ASTN2: variants seen among roughly 807,000 people sequenced by gnomAD.
ASTN2 encodes astrotactin 2, also known as astrotactin-2.
ASTN2 carries 54 observed loss-of-function variants against 139.8 expected under a neutral mutation model. The ratio of observed to expected loss-of-function variants is 0.39; its 90% CI spans 0.31 to 0.48. The LOEUF (loss-of-function observed/expected upper bound fraction) is 0.48, where lower values mean the gene tolerates loss of function less well. Among genes scored for constraint, ASTN2 ranks in the 20% least tolerant of loss-of-function variants. The pLI, the probability that ASTN2 is intolerant of heterozygous loss-of-function variation, is 0.95. For missense variants in ASTN2, 1,565 were observed against 1,725.1 expected, an observed-to-expected ratio of 0.91 and a Z score of 1.64; for synonymous variants, 756 against 719.5, an observed-to-expected ratio of 1.05 and a Z score of -0.81.
intron 20 of ASTN2, among the ~76,000 whole-genome samples, chr9:116,447,794 C>T (rs1349587089): frequency 1.3e-5 from 2 of 152,212 alleles, no homozygotes; most frequent in East Asian, 3.9e-4. Context: ...CAATCAATCG[C>T]TGTTGGCATC....
chr9:117,405,779 G>A (rs963602975), intron 1 of ASTN2, among the ~76,000 whole-genome samples: 1 of 152,092 alleles, frequency 6.6e-6, no homozygotes, highest in Admixed American at 6.5e-5. Context: ...TTGTCTCTTC[G>A]TTTGCTACAA....
Position 116,678,982 on chromosome 9 carries a change from T to C in ASTN2, c.2807-27189A>G, listed in dbSNP as rs1564200236. On this transcript the variant is annotated intron_variant, in intron 16 of 22. Transcript: ENST00000313400. ...ATGATTTTCATGTAATGTTAAAAGA[T>C]AATGAAAGGGTTTCGTTTTTCCCTC... Among the ~76,000 whole-genome samples the C allele has an allele frequency of 2.0e-5, 3 of 152,212 alleles. No individual in the cohort carries two copies. In the South Asian group the frequency reaches 6.2e-4, roughly 32 times the overall value.
intron 3 of ASTN2, among the ~76,000 whole-genome samples, chr9:117,157,843 A>G (rs1401146041): frequency 1.3e-5 from 2 of 152,014 alleles, no homozygotes; most frequent in African/African-American, 4.8e-5. Flanking sequence ...TGTATAACAT[A>G]TATAAGAAGA....
At chr9:117,247,090 G>A (rs1030404495) in intron 2 of ASTN2, among the ~76,000 whole-genome samples, 1 of 152,160 alleles carries the variant, frequency 6.6e-6, no homozygotes, top group Non-Finnish European at 1.5e-5. Context: ...GATCACGGCA[G>A]GCAGCTAAGT....
At chr9:117,066,705 G>A (rs991990263) in intron 5 of ASTN2, among the ~76,000 whole-genome samples, 1 of 152,166 alleles carries the variant, frequency 6.6e-6, no homozygotes, top group Non-Finnish European at 1.5e-5. Flanking sequence ...TTTAATGATT[G>A]CCATTCTAAC....
intron 17 of ASTN2, among the ~76,000 whole-genome samples, chr9:116,634,345 CTT>C (rs1038881330): frequency 5.3e-5 from 8 of 151,938 alleles, no homozygotes; most frequent in Non-Finnish European, 1.0e-4. Context: ...AATCCCAGCA[CTT>C]TGGGAGGCCG....
chr9:116,605,596 T>C (rs964608587), intron 19 of ASTN2, among the ~76,000 whole-genome samples: 1 of 152,052 alleles, frequency 6.6e-6, no homozygotes, highest in African/African-American at 2.4e-5. Context: ...GCGGTTTCAA[T>C]GCTTAAGGTT....
chr9:116,990,099 A>C (rs1836809092), intron 7 of ASTN2, among the ~76,000 whole-genome samples: 2 of 152,062 alleles, frequency 1.3e-5, no homozygotes, highest in Non-Finnish European at 2.9e-5. Context: ...AAATCCCCAA[A>C]TCCACTTTAA....
intron 10 of ASTN2, among the ~76,000 whole-genome samples, chr9:116,935,945 G>C (rs1324802119): frequency 6.6e-6 from 1 of 151,626 alleles, no homozygotes; most frequent in Non-Finnish European, 1.5e-5. Flanking sequence ...CATTGGGAAA[G>C]AGATGTTGAG....
chr9:116,734,696 G>T (rs1828879290), intron 13 of ASTN2, among the ~76,000 whole-genome samples: 1 of 152,266 alleles, frequency 6.6e-6, no homozygotes, highest in East Asian at 1.9e-4. Context: ...AATATGTGAT[G>T]CCAAAGCAAT....
intron 7 of ASTN2, among the ~76,000 whole-genome samples, chr9:116,999,101 C>A (rs1588469298): frequency 1.3e-5 from 2 of 152,224 alleles, no homozygotes; most frequent in South Asian, 4.1e-4. Flanking sequence ...TAATGGTGAA[C>A]ATGACTGAAG....
chr9:117,212,139 G>A (rs1031538385), intron 3 of ASTN2, among the ~76,000 whole-genome samples: 1 of 152,104 alleles, frequency 6.6e-6, no homozygotes, highest in Non-Finnish European at 1.5e-5. Flanking sequence ...TTTTACAAAG[G>A]TGCCAAGAAC....
At chr9:116,621,160 C>A (rs1368601647) in intron 17 of ASTN2, among the ~76,000 whole-genome samples, 1 of 152,054 alleles carries the variant, frequency 6.6e-6, no homozygotes, top group Admixed American at 6.6e-5. Context: ...TATAACGGGC[C>A]AGAGAGTAAA....
rs140855721 is a variant in ASTN2, at chr9:117,177,405, G to A, written c.1016-35927C>T. On this transcript the variant is annotated intron_variant, in intron 3 of 22. Coordinates refer to ENST00000313400, the MANE Select transcript of ASTN2 (RefSeq NM_001365068.1). ...TGGAACAGAATGCATTCTCTCCACCGCCCGGTGTTAATGTCATCAAGGCAA... is the reference window on the plus strand; with the variant it reads ...TGGAACAGAATGCATTCTCTCCACCACCCGGTGTTAATGTCATCAAGGCAA... Among the ~76,000 whole-genome samples the A allele has an allele frequency of 2.4e-3, 369 of 152,230 alleles. 2 individuals are homozygous for A. Among genetic ancestry groups the A allele is most frequent in the African/African-American group, 8.1e-3 (338 of 41,550 alleles).
intron 19 of ASTN2, among the ~76,000 whole-genome samples, chr9:116,510,976 T>TAATTGAGTACCC (rs1375593652): frequency 6.6e-6 from 1 of 152,226 alleles, no homozygotes; most frequent in Non-Finnish European, 1.5e-5. Flanking sequence ...CCTCTTTTCC[T>TAATTGAGTACCC]AATTGAGTAC....
chr9:116,434,483 A>C (rs1159256838), intron 22 of ASTN2, among the ~76,000 whole-genome samples: 3 of 152,222 alleles, frequency 2.0e-5, no homozygotes, highest in African/African-American at 7.2e-5. Flanking sequence ...TGGCACGTTG[A>C]GAAAGATCCT....
intron 11 of ASTN2, among the ~76,000 whole-genome samples, chr9:116,823,076 CAGA>C (rs1232155482): frequency 6.6e-6 from 1 of 152,198 alleles, no homozygotes; most frequent in Non-Finnish European, 1.5e-5. Context: ...CTAGAGCCTC[CAGA>C]AGGAGCACCA....
At chr9:117,183,264 C>T (rs1831120033) in intron 3 of ASTN2, among the ~76,000 whole-genome samples, 1 of 152,134 alleles carries the variant, frequency 6.6e-6, no homozygotes. Context: ...ACTGCTCTGT[C>T]CTAATGAGTA....
At chr9:116,634,764 G>C (rs1856992438) in intron 17 of ASTN2, among the ~76,000 whole-genome samples, 1 of 152,094 alleles carries the variant, frequency 6.6e-6, no homozygotes, top group Non-Finnish European at 1.5e-5. Context: ...CAAGCTATCA[G>C]AGATACTATC....
Sources: gnomAD v4.1 joint callset for allele counts (sites outside exome capture counted in the v4.1 genomes callset) on GRCh38, gnomAD v4.1.1 for gene constraint, MANE v1.5 for transcripts, NCBI Gene and HGNC (gene_info 2026-07-23, HGNC 2026-07-21) for gene names.